GRIK4: variants seen among roughly 807,000 people sequenced by gnomAD.
The protein encoded by GRIK4 is glutamate receptor ionotropic, kainate 4.
Under a neutral mutation model 104.9 loss-of-function variants are expected in GRIK4, and 40 were observed. That is an observed-to-expected ratio of 0.38 (90% CI 0.30 to 0.50). GRIK4 has a LOEUF of 0.50. Among genes scored for constraint, GRIK4 ranks in the 20% least tolerant of loss-of-function variants. The pLI is 0.93. For missense variants in GRIK4, 1,047 were observed against 1,308.1 expected (o/e 0.80, Z 3.08); for synonymous variants, 485 against 524.9 (o/e 0.92, Z 1.04).
intron 3 of GRIK4, among the ~76,000 whole-genome samples, chr11:120,713,125 T>A (rs1950767073): frequency 6.6e-6 from 1 of 152,246 alleles, no homozygotes; most frequent in South Asian, 2.1e-4. Flanking sequence ...CGTGTGGTTC[T>A]AAAAACAAAT....
At chr11:120,873,796 G>T in intron 9 of GRIK4, 2 of 345,270 alleles carry the variant, frequency 5.8e-6, no homozygotes, top group Admixed American at 9.3e-5. Flanking sequence ...TACACTTGAA[G>T]TCATGTGGGG....
At chr11:120,796,167 C>T (rs1217159808) in intron 3 of GRIK4, among the ~76,000 whole-genome samples, 5 of 151,184 alleles carry the variant, frequency 3.3e-5, no homozygotes, top group African/African-American at 1.2e-4. Flanking sequence ...TCCCGAGTAG[C>T]TGGGACTACA....
intron 1 of GRIK4, among the ~76,000 whole-genome samples, chr11:120,550,433 G>C (rs1948129019): frequency 6.6e-6 from 1 of 152,090 alleles, no homozygotes; most frequent in Admixed American, 6.6e-5. Context: ...TCAGCAGTTG[G>C]ATATCATCAG....
intron 1 of GRIK4, among the ~76,000 whole-genome samples, chr11:120,592,946 G>A (rs967026379): frequency 6.6e-6 from 1 of 152,146 alleles, no homozygotes; most frequent in African/African-American, 2.4e-5. Flanking sequence ...ACTTTGGGAG[G>A]CCCAGGCGGG....
chr11:120,787,847 C>CTTCTTTTTTTTTTTTTT (rs1565352273), intron 3 of GRIK4, among the ~76,000 whole-genome samples: 10 of 55,578 alleles, frequency 1.8e-4, no homozygotes, highest in African/African-American at 6.9e-4. Context: ...TTTTTCTTTT[C>CTTCTTTTTTTTTTTTTT]TTTTCTTTTT....
At chr11:120,645,193 C>A (rs1461991146) in intron 1 of GRIK4, among the ~76,000 whole-genome samples, 1 of 152,106 alleles carries the variant, frequency 6.6e-6, no homozygotes, top group South Asian at 2.1e-4. Flanking sequence ...TCAAGAGCAG[C>A]GTGAAGATCT....
chr11:120,559,336 C>G (rs111552207), intron 1 of GRIK4, among the ~76,000 whole-genome samples: 4 of 152,286 alleles, frequency 2.6e-5, no homozygotes, highest in African/African-American at 9.6e-5. Context: ...GACAGCCATC[C>G]TTTGTTGGGT....
intron 3 of GRIK4, among the ~76,000 whole-genome samples, chr11:120,742,995 G>A (rs748978534): frequency 1.3e-5 from 2 of 152,204 alleles, no homozygotes; most frequent in Non-Finnish European, 2.9e-5. Flanking sequence ...CACTTTGGGA[G>A]GCCAAGGCAG....
intron 3 of GRIK4, among the ~76,000 whole-genome samples, chr11:120,783,590 C>G (rs1443898068): frequency 6.6e-6 from 1 of 152,174 alleles, no homozygotes; most frequent in African/African-American, 2.4e-5. Flanking sequence ...ATTGCGTGGG[C>G]TCCACTAAAT....
intron 11 of GRIK4, among the ~76,000 whole-genome samples, chr11:120,880,712 G>A (rs1954947002): frequency 6.6e-6 from 1 of 152,104 alleles, no homozygotes; most frequent in Non-Finnish European, 1.5e-5. Flanking sequence ...GCCTCTCAAG[G>A]GACACATTCC....
At chr11:120,602,280 T>A (rs747475319) in intron 1 of GRIK4, among the ~76,000 whole-genome samples, 3 of 152,228 alleles carry the variant, frequency 2.0e-5, no homozygotes, top group Non-Finnish European at 2.9e-5. Context: ...TATTCTCAAC[T>A]GATTGAGTTT....
chr11:120,583,061 A>G (rs1331870383), intron 1 of GRIK4, among the ~76,000 whole-genome samples: 3 of 152,114 alleles, frequency 2.0e-5, no homozygotes, highest in Non-Finnish European at 4.4e-5. Context: ...CTGGTGTGAG[A>G]TGATATCGCC....
intron 3 of GRIK4, among the ~76,000 whole-genome samples, chr11:120,787,145 CTT>C (rs548207852): frequency 1.2e-4 from 10 of 85,750 alleles, no homozygotes; most frequent in South Asian, 2.9e-4. Context: ...TAGTAGGACT[CTT>C]TTTTTTTTTA....
At chr11:120,514,868 C>A in intron 1 of GRIK4, 2 of 421,112 alleles carry the variant, frequency 4.7e-6, no homozygotes, top group East Asian at 1.4e-4. Flanking sequence ...CTCCCACTGC[C>A]GTGGTCCCTA....
In GRIK4 at chr11:120,952,754, G is replaced by T; in HGVS notation, c.1591-101G>T. 2 of 802,714 alleles carry T rather than the reference G, an allele frequency of 2.5e-6. No individual in the cohort carries two copies. The highest frequency in any genetic ancestry group is 3.5e-5 in the Admixed American group (2 of 57,034). The allele number at this position is 802,714 out of a possible 1,614,324, so 49.7% of individuals were successfully genotyped here. A position where few individuals can be genotyped will look rare whatever the true frequency, so the allele number is the denominator to read the frequency against. ...AGAACCCACAGAAATGGGAACTGGG[G>T]CCAGACCCACACTCACTACCTCCTC... On this transcript the variant is annotated intron_variant, in intron 14 of 20. Transcript: ENST00000527524. This position sits in a 1 kb window ranked among gnomAD's most constrained non-coding sequence, Gnocchi z 5.2.
chr11:120,719,455 T>C (rs1377599610), intron 3 of GRIK4, among the ~76,000 whole-genome samples: 1 of 152,164 alleles, frequency 6.6e-6, no homozygotes, highest in Non-Finnish European at 1.5e-5. Flanking sequence ...TGTGTGACCT[T>C]GGGCCAGCTA....
At chr11:120,725,816 A>G (rs1451257028) in intron 3 of GRIK4, among the ~76,000 whole-genome samples, 1 of 152,242 alleles carries the variant, frequency 6.6e-6, no homozygotes, top group Admixed American at 6.5e-5. Context: ...GCATTTGGAA[A>G]TACATTTGGC....
intron 3 of GRIK4, among the ~76,000 whole-genome samples, chr11:120,677,191 A>T (rs1002013950): frequency 2.6e-5 from 4 of 152,134 alleles, no homozygotes; most frequent in Non-Finnish European, 5.9e-5. Context: ...TATCACGTTG[A>T]TTTAGTAATC....
intron 1 of GRIK4, among the ~76,000 whole-genome samples, chr11:120,529,794 T>C (rs1565539817): frequency 6.6e-6 from 1 of 152,168 alleles, no homozygotes; most frequent in Non-Finnish European, 1.5e-5. Flanking sequence ...TCATTTAATC[T>C]CTCCAACAAA....
Sources: gnomAD v4.1 joint callset for allele counts (sites outside exome capture counted in the v4.1 genomes callset) on GRCh38, gnomAD v4.1.1 for gene constraint, Gnocchi (gnomAD v3.1) non-coding constraint, MANE v1.5 for transcripts, NCBI Gene and HGNC (gene_info 2026-07-23, HGNC 2026-07-21) for gene names.